RORA: variants seen among roughly 807,000 people sequenced by gnomAD.
RORA encodes the protein RAR related orphan receptor A, also known as nuclear receptor ROR-alpha.
In RORA, 7 loss-of-function variants were observed where a neutral mutation model predicts 69.5. That is an observed-to-expected ratio of 0.10 (90% CI 0.06 to 0.19). RORA has a LOEUF of 0.19. Ranked by LOEUF, RORA falls within the 10% of genes least tolerant of loss-of-function variation. The pLI is 1.00. For missense variants in RORA, 457 were observed against 663.0 expected (o/e 0.69, Z 3.41); for synonymous variants, 261 against 240.8 (o/e 1.08, Z -0.78).
intron 5 of RORA, among the ~76,000 whole-genome samples, chr15:60,509,587 T>G (rs963911871): frequency 2.6e-5 from 4 of 152,200 alleles, no homozygotes; most frequent in African/African-American, 9.6e-5. Context: ...ATTGAATATT[T>G]GACAAGCAAA....
At chr15:61,227,144 AG>A (rs1336939344) in intron 1 of RORA, among the ~76,000 whole-genome samples, 1 of 151,458 alleles carries the variant, frequency 6.6e-6, no homozygotes, top group Admixed American at 6.6e-5. Context: ...GGGGTCAAGA[AG>A]GAGAAAGGTG....
chr15:60,837,876 G>C (rs796117588), intron 1 of RORA, among the ~76,000 whole-genome samples: 8 of 152,276 alleles, frequency 5.3e-5, no homozygotes, highest in African/African-American at 1.9e-4. Context: ...GCAGGCATTT[G>C]GCATGTGAAG....
At chr15:60,999,355 A>G (rs767321912) in intron 1 of RORA, among the ~76,000 whole-genome samples, 1 of 152,114 alleles carries the variant, frequency 6.6e-6, no homozygotes, top group South Asian at 2.1e-4. Context: ...ACTCCCACTA[A>G]GGCTCACTCC....
chr15:61,114,811 C>G (rs1304320314), intron 1 of RORA, among the ~76,000 whole-genome samples: 1 of 152,194 alleles, frequency 6.6e-6, no homozygotes, highest in Non-Finnish European at 1.5e-5. Context: ...TATTTGCCCA[C>G]ACAGACATGG....
At chr15:60,733,993 A>C (rs2071466381) in intron 1 of RORA, among the ~76,000 whole-genome samples, 1 of 151,962 alleles carries the variant, frequency 6.6e-6, no homozygotes, top group African/African-American at 2.4e-5. Context: ...GAAAGGAATA[A>C]GAAATGAAAA....
Position 60,573,144 on chromosome 15 carries a change from G to C in RORA, c.197-41293C>G, listed in dbSNP as rs573705809. On this transcript the variant is annotated intron_variant, in intron 2 of 10. Coordinates refer to ENST00000335670, the MANE Select transcript of RORA (RefSeq NM_134261.3). ...TCTAGTATCAAAGACACAATCCTCC[G>C]TCCTTTCATGGCCCTACTTCTGTAA... 7.9e-5 allele frequency among the ~76,000 whole-genome samples: 12 copies of C among 152,242 alleles called. 1 individual carries two copies. In the South Asian group the frequency reaches 2.5e-3, roughly 32 times the overall value.
At chr15:61,189,068 G>A (rs1596059254) in intron 1 of RORA, among the ~76,000 whole-genome samples, 1 of 152,278 alleles carries the variant, frequency 6.6e-6, no homozygotes, top group South Asian at 2.1e-4. Context: ...AAGAGCAAGG[G>A]GGATGCAAGA....
intron 2 of RORA, among the ~76,000 whole-genome samples, chr15:60,563,817 G>C (rs778232971): frequency 1.1e-4 from 17 of 152,114 alleles, no homozygotes; most frequent in Non-Finnish European, 2.4e-4. Flanking sequence ...GTGGTCATTG[G>C]AAGTTTGCTC....
chr15:60,642,219 A>C (rs1203540512), intron 2 of RORA, among the ~76,000 whole-genome samples: 1 of 152,186 alleles, frequency 6.6e-6, no homozygotes, highest in Admixed American at 6.5e-5. Flanking sequence ...GGAAGTAAGT[A>C]GAAACCAAGT....
chr15:60,824,560 A>C (rs1403945277), intron 1 of RORA, among the ~76,000 whole-genome samples: 2 of 152,206 alleles, frequency 1.3e-5, no homozygotes, highest in African/African-American at 4.8e-5. Flanking sequence ...ATTAAATCAG[A>C]CTAGCTGGAT....
At chr15:60,835,336 A>ATC (rs1189971656) in intron 1 of RORA, among the ~76,000 whole-genome samples, 1 of 152,246 alleles carries the variant, frequency 6.6e-6, no homozygotes, top group Non-Finnish European at 1.5e-5. Flanking sequence ...ATGGTACAAT[A>ATC]TCTCTCTGGG....
At chr15:60,632,103 C>T (rs1226147148) in intron 2 of RORA, among the ~76,000 whole-genome samples, 2 of 129,546 alleles carry the variant, frequency 1.5e-5, no homozygotes, top group Non-Finnish European at 3.2e-5. Context: ...ATTCATGTTT[C>T]ACTACCTATT....
intron 1 of RORA, among the ~76,000 whole-genome samples, chr15:61,162,975 G>A (rs774096728): frequency 2.0e-5 from 3 of 152,182 alleles, no homozygotes; most frequent in African/African-American, 4.8e-5. Flanking sequence ...TCAGCAGAAC[G>A]ATTCATAAGG....
chr15:60,576,236 TGCTGGGAGCAACGTATCCCA>T (rs1029212089), intron 2 of RORA, among the ~76,000 whole-genome samples: 48 of 152,342 alleles, frequency 3.2e-4, no homozygotes, highest in Middle Eastern at 6.8e-3. Context: ...AATAAAACTA[TGCTGGGAGCAACGTATCCCA>T]GTGTTCTGAG....
At chr15:60,676,395 G>A (rs1490495403) in intron 2 of RORA, among the ~76,000 whole-genome samples, 1 of 152,154 alleles carries the variant, frequency 6.6e-6, no homozygotes, top group African/African-American at 2.4e-5. Context: ...GTAAAGTTTT[G>A]TGTCAACTGT....
intron 1 of RORA, among the ~76,000 whole-genome samples, chr15:60,813,997 A>G (rs1490156833): frequency 2.6e-5 from 4 of 152,180 alleles, no homozygotes; most frequent in Non-Finnish European, 5.9e-5. Flanking sequence ...CATATAATCT[A>G]TTTGGATAAA....
rs531669571 is a variant in RORA, at chr15:61,131,451, T to C, written c.166+97602A>G. Among the ~76,000 whole-genome samples, 11 of 152,324 alleles carry C rather than the reference T, an allele frequency of 7.2e-5. No homozygotes were observed. The South Asian group carries it at 1.0e-3, about 14-fold the overall frequency. On this transcript the variant is annotated intron_variant, in intron 1 of 10. Transcript: ENST00000335670. The surrounding 1 kb of genome is among the most constrained non-coding windows in gnomAD (Gnocchi z 4.2). ...TCTAGAGGACACAGCTGCAGGCTCT[T>C]TGGAGCTACTCCTGGGTTGGGGTGA...
At chr15:61,060,839 CA>C (rs927511738) in intron 1 of RORA, among the ~76,000 whole-genome samples, 40 of 148,132 alleles carry the variant, frequency 2.7e-4, no homozygotes, top group Non-Finnish European at 4.3e-4. Context: ...GCTGATGAGC[CA>C]AAAAAAAAAT....
intron 1 of RORA, among the ~76,000 whole-genome samples, chr15:61,132,792 C>T (rs746883870): frequency 9.9e-5 from 15 of 152,276 alleles, no homozygotes; most frequent in Non-Finnish European, 1.5e-4. Flanking sequence ...GCAGGGGAAA[C>T]GCAGCCCATA....
Sources: gnomAD v4.1 joint callset for allele counts (sites outside exome capture counted in the v4.1 genomes callset) on GRCh38, gnomAD v4.1.1 for gene constraint, Gnocchi (gnomAD v3.1) non-coding constraint, MANE v1.5 for transcripts, NCBI Gene and HGNC (gene_info 2026-07-23, HGNC 2026-07-21) for gene names.